ANKRD30B: variants seen among roughly 807,000 people sequenced by gnomAD.
ANKRD30B encodes ankyrin repeat domain-containing protein 30B.
In ANKRD30B, 144 loss-of-function variants were observed where a neutral mutation model predicts 202.2. The ratio of observed to expected loss-of-function variants is 0.71; its 90% CI spans 0.62 to 0.82. ANKRD30B has a LOEUF of 0.82. ANKRD30B is among the 40% of genes least tolerant of loss of function. ANKRD30B has a pLI of 0.00. For missense variants in ANKRD30B, 1,487 were observed against 1,669.1 expected (o/e 0.89, Z 1.90); for synonymous variants, 508 against 561.3 (o/e 0.91, Z 1.34).
chr18:14,837,135 T>G (rs557805708), intron 34 of ANKRD30B, 76 bp from the exon 35 acceptor site: 2 of 848,844 alleles, frequency 2.4e-6, no homozygotes, highest in East Asian at 2.7e-5. Context: ...GACAAATTGA[T>G]TGAGTGAGTG....
chr18:14,911,226 A>T, the ANKRD30B span, among the ~76,000 whole-genome samples: 5 of 151,862 alleles, frequency 3.3e-5, no homozygotes, highest in South Asian at 6.2e-4. Context: ...AGTTTTTCCT[A>T]GATTTTCTTC....
At chr18:14,890,172 C>T in the ANKRD30B span, 1 of 653,770 alleles carries the variant, frequency 1.5e-6, no homozygotes, top group South Asian at 1.8e-5. Context: ...GTTCTTATTT[C>T]TGTTTTAATC....
chr18:14,842,853 T>C (rs1207771833), intron 37 of ANKRD30B, 44 bp from the exon 38 acceptor site: 2 of 1,538,444 alleles, frequency 1.3e-6, no homozygotes, highest in African/African-American at 2.8e-5. Context: ...GCTGGTTTTG[T>C]CATATTTACT....
chr18:14,753,705 A>G (rs1167500972), intron 3 of ANKRD30B, among the ~76,000 whole-genome samples: 2 of 152,100 alleles, frequency 1.3e-5, no homozygotes, highest in Non-Finnish European at 2.9e-5. Flanking sequence ...CTGTATATAA[A>G]CCATAAATAA....
At chr18:14,755,481 G>A (rs923885819) in intron 4 of ANKRD30B, among the ~76,000 whole-genome samples, 2 of 151,924 alleles carry the variant, frequency 1.3e-5, no homozygotes, top group Admixed American at 6.6e-5. Context: ...CGTGTGCCAT[G>A]TTGGTGGGCT....
chr18:14,797,481 AG>A (rs959053058), intron 18 of ANKRD30B, among the ~76,000 whole-genome samples, 179 bp from the exon 19 acceptor site: 2 of 152,182 alleles, frequency 1.3e-5, no homozygotes, highest in South Asian at 4.1e-4. Context: ...CAATAGTTTC[AG>A]GGGGTCTCCC....
chr18:14,891,653 A>T, the ANKRD30B span, among the ~76,000 whole-genome samples: 1 of 151,540 alleles, frequency 6.6e-6, no homozygotes. Flanking sequence ...AGGCCTGAAT[A>T]GGCTAGAGAA....
At chr18:14,766,725 A>G (rs1916287146) in intron 7 of ANKRD30B, among the ~76,000 whole-genome samples, 1 of 152,152 alleles carries the variant, frequency 6.6e-6, no homozygotes, top group Non-Finnish European at 1.5e-5. Flanking sequence ...CATAGATCTC[A>G]ATGAGCTTAT....
chr18:14,934,426 C>T, the ANKRD30B span, among the ~76,000 whole-genome samples: 14 of 152,166 alleles, frequency 9.2e-5, no homozygotes, highest in African/African-American at 2.2e-4. Context: ...CAGGTCTGCC[C>T]GCCCTGCCTC....
In ANKRD30B at chr18:14,799,039, A is replaced by G; in HGVS notation, c.2030-62A>G. ...TTCGTCTTCATATTCACACTCTATG[A>G]ACGTTTGGTAGGCTTTGTCAAGCTT... On this transcript the variant is annotated intron_variant, in intron 20 of 43. Coordinates refer to ENST00000690538, the MANE Select transcript of ANKRD30B (RefSeq NM_001367607.2). The G allele has an allele frequency of 6.4e-6, 9 of 1,416,462 alleles. No homozygotes were observed. The South Asian group carries it at 1.0e-4, about 16-fold the overall frequency. The allele number at this position is 1,416,462 out of a possible 1,614,324, so 87.7% of individuals were successfully genotyped here. A position where few individuals can be genotyped will look rare whatever the true frequency, so the allele number is the denominator to read the frequency against.
intron 34 of ANKRD30B, among the ~76,000 whole-genome samples, chr18:14,832,090 A>G (rs968846266): frequency 3.3e-5 from 5 of 152,188 alleles, no homozygotes; most frequent in Non-Finnish European, 7.3e-5. Context: ...TTATTTGGGC[A>G]TGATGGTGCA....
chr18:14,808,242 T>G, intron 24 of ANKRD30B: 1 of 356,744 alleles, frequency 2.8e-6, no homozygotes, highest in East Asian at 6.6e-5. Flanking sequence ...TCAACTTCTT[T>G]CCCTATACGG....
intron 1 of ANKRD30B, among the ~76,000 whole-genome samples, chr18:14,752,014 A>G (rs918724271): frequency 6.6e-6 from 1 of 152,220 alleles, no homozygotes; most frequent in African/African-American, 2.4e-5. Context: ...AATATGAGCA[A>G]TTGAGCATCT....
chr18:14,817,201 GTA>G (rs1970160805), intron 30 of ANKRD30B: 1 of 152,248 alleles, frequency 6.6e-6, no homozygotes, highest in East Asian at 1.9e-4. Flanking sequence ...TTGTTTAAGT[GTA>G]TGTCTTACTT....
At chr18:14,843,228 A>C (rs569269049) in intron 39 of ANKRD30B, 132 bp downstream of exon 39, 6 of 946,978 alleles carry the variant, frequency 6.3e-6, no homozygotes, top group Non-Finnish European at 8.7e-6. Flanking sequence ...AGTGGTATCC[A>C]CATTTGAAAA....
chr18:14,830,744 A>T (rs1243668806), intron 33 of ANKRD30B, among the ~76,000 whole-genome samples: 1 of 152,202 alleles, frequency 6.6e-6, no homozygotes, highest in East Asian at 1.9e-4. Flanking sequence ...AGTTCATCAT[A>T]GAGGACAGCT....
the ANKRD30B span, among the ~76,000 whole-genome samples, chr18:14,917,757 C>T: frequency 6.6e-6 from 1 of 152,218 alleles, no homozygotes; most frequent in Admixed American, 6.5e-5. Flanking sequence ...GCCTGCTCTT[C>T]ACAGTTCTGC....
At chr18:14,888,169 CT>C in the ANKRD30B span, among the ~76,000 whole-genome samples, 3 of 151,802 alleles carry the variant, frequency 2.0e-5, no homozygotes, top group Admixed American at 6.6e-5. Context: ...TGAGAATATT[CT>C]TTTTTTCTGA....
In ANKRD30B at chr18:14,791,412, G is replaced by A; in HGVS notation, c.1746G>A (p.Glu582=). The change falls in exon 16 of 44, where the codon GAG becomes GAA. Residue 582 remains glutamate (E), a synonymous_variant. Transcript: ENST00000690538. ...ENSWDSESPC[E]TVSQKDVYLP... is the part of the protein sequence containing the mutation. Reference sequence around the variant, plus strand: ...ATTACTTTTAACAGAGTCCCTGTGAGACGGTTTCACAGAAGGATGTGTATT... The same window carrying A: ...ATTACTTTTAACAGAGTCCCTGTGAAACGGTTTCACAGAAGGATGTGTATT... 6.2e-7 allele frequency: 1 copy of A among 1,607,618 alleles called. No homozygotes were observed. The highest frequency in any genetic ancestry group is 8.5e-7 in the Non-Finnish European group (1 of 1,177,466).
Sources: gnomAD v4.1 joint callset for allele counts (sites outside exome capture counted in the v4.1 genomes callset) on GRCh38, gnomAD v4.1.1 for gene constraint, MANE v1.5 for transcripts, NCBI Gene and HGNC (gene_info 2026-07-23, HGNC 2026-07-21) for gene names.